Variants in SLC4A4 observed in about 807,000 individuals in gnomAD.
The protein encoded by SLC4A4 is electrogenic sodium bicarbonate cotransporter 1.
SLC4A4 carries 27 observed loss-of-function variants against 111.5 expected under a neutral mutation model. The observed-to-expected ratio is 0.24, with a 90% CI of 0.18 to 0.33. The LOEUF (loss-of-function observed/expected upper bound fraction) is 0.33. Ranked by LOEUF, SLC4A4 falls within the 10% of genes least tolerant of loss-of-function variation. The pLI, the probability that SLC4A4 is intolerant of heterozygous loss-of-function variation, is 1.00. For missense variants in SLC4A4, 909 were observed against 1,315.5 expected, an observed-to-expected ratio of 0.69 and a Z score of 4.78; for synonymous variants, 443 against 463.4, an observed-to-expected ratio of 0.96 and a Z score of 0.57.
chr4:71,561,170 T>C (rs1449412531), intron 23 of SLC4A4, among the ~76,000 whole-genome samples: 1 of 151,826 alleles, frequency 6.6e-6, no homozygotes, highest in East Asian at 1.9e-4. Flanking sequence ...TGTTAGTTTC[T>C]ACTTAGTACT....
At chr4:71,452,352 T>A (rs779664245) in intron 11 of SLC4A4, among the ~76,000 whole-genome samples, 9 of 152,108 alleles carry the variant, frequency 5.9e-5, no homozygotes, top group Admixed American at 1.3e-4. Flanking sequence ...CAGACATGAG[T>A]TCTGGGCTTT....
intron 1 of SLC4A4, among the ~76,000 whole-genome samples, chr4:71,225,442 C>T (rs991993951): frequency 6.6e-6 from 1 of 152,056 alleles, no homozygotes; most frequent in Admixed American, 6.5e-5. Context: ...TCAGTTCTTT[C>T]CCTGTTACTG....
At chr4:71,281,637 G>T (rs374708519) in intron 3 of SLC4A4, among the ~76,000 whole-genome samples, 2 of 152,326 alleles carry the variant, frequency 1.3e-5, no homozygotes, top group African/African-American at 4.8e-5. Context: ...GATATGAGAA[G>T]TGATAATTGA....
intron 8 of SLC4A4, among the ~76,000 whole-genome samples, chr4:71,447,032 G>A (rs1725300413): frequency 6.6e-6 from 1 of 152,196 alleles, no homozygotes; most frequent in Non-Finnish European, 1.5e-5. Flanking sequence ...ATGACAAGAG[G>A]ACACCCACAA....
At chr4:71,369,938 C>T (rs1048666800) in intron 6 of SLC4A4, among the ~76,000 whole-genome samples, 1 of 152,138 alleles carries the variant, frequency 6.6e-6, no homozygotes, top group African/African-American at 2.4e-5. Context: ...CATACACACA[C>T]ACACGATTGT....
At chr4:71,338,287 G>A (rs373786277) in intron 3 of SLC4A4, among the ~76,000 whole-genome samples, 1 of 152,024 alleles carries the variant, frequency 6.6e-6, no homozygotes, top group African/African-American at 2.4e-5. Flanking sequence ...TTTTCAGATG[G>A]TAGGGATTTT....
intron 2 of SLC4A4, among the ~76,000 whole-genome samples, chr4:71,241,513 G>A (rs1015878736): frequency 6.6e-6 from 1 of 152,030 alleles, no homozygotes; most frequent in Non-Finnish European, 1.5e-5. Flanking sequence ...AAAAAAACTG[G>A]GGCCTGGTAG....
chr4:71,127,734 T>C (rs1425059724), intron 2 of SLC4A4, among the ~76,000 whole-genome samples: 1 of 152,232 alleles, frequency 6.6e-6, no homozygotes. Flanking sequence ...ATGTACACAA[T>C]ATATGTACCT....
chr4:71,277,280 T>G (rs1723137115), intron 3 of SLC4A4, among the ~76,000 whole-genome samples: 1 of 152,196 alleles, frequency 6.6e-6, no homozygotes, highest in Non-Finnish European at 1.5e-5. Flanking sequence ...GTGATCTGAT[T>G]TCTCTCTACT....
In SLC4A4 at chr4:71,255,331, A is replaced by C; in HGVS notation, c.185A>C (p.Glu62Ala). 1 of 1,613,620 alleles carries C rather than the reference A, an allele frequency of 6.2e-7. No individual in the cohort carries two copies. The highest frequency in any genetic ancestry group is 8.5e-7 in the Non-Finnish European group (1 of 1,179,634). ...AAGAAGGAAAAGGAGAGAATCTCTG[A>C]GAACTACTCTGACAAATCAGATATT... ...KEKKEKERISENYSDKSDIEN... is the reference protein window; with the variant it reads ...KEKKEKERISANYSDKSDIEN... The change falls in exon 3 of 26, where the codon GAG becomes GCG. Residue 62 changes from glutamate (E) to alanine (A), a missense_variant. By Grantham distance (107) the Glu-to-Ala change is moderately radical. Coordinates refer to ENST00000264485, the MANE Select transcript of SLC4A4 (RefSeq NM_001098484.3).
At chr4:71,146,395 G>T (rs1459878564) in intron 2 of SLC4A4, among the ~76,000 whole-genome samples, 2 of 152,112 alleles carry the variant, frequency 1.3e-5, no homozygotes, top group Non-Finnish European at 2.9e-5. Context: ...GAATAGGTGT[G>T]GTGTGGTGCT....
At chr4:71,248,111 G>A (rs1163990471) in intron 2 of SLC4A4, among the ~76,000 whole-genome samples, 1 of 152,086 alleles carries the variant, frequency 6.6e-6, no homozygotes, top group African/African-American at 2.4e-5. Context: ...GCCGATTAAG[G>A]GACAAGTTAA....
intron 16 of SLC4A4, among the ~76,000 whole-genome samples, chr4:71,523,732 A>C (rs1266007946): frequency 6.6e-6 from 1 of 152,138 alleles, no homozygotes; most frequent in Non-Finnish European, 1.5e-5. Context: ...CATATGACTG[A>C]TTAATTATTA....
intron 6 of SLC4A4, among the ~76,000 whole-genome samples, chr4:71,363,761 G>A (rs908670030): frequency 2.2e-4 from 33 of 152,144 alleles, no homozygotes; most frequent in Admixed American, 1.1e-3. Context: ...CTCATTTTCC[G>A]TTCATTTTCA....
At chr4:71,420,823 C>A (rs2085284828) in intron 7 of SLC4A4, among the ~76,000 whole-genome samples, 1 of 148,168 alleles carries the variant, frequency 6.7e-6, no homozygotes, top group African/African-American at 2.5e-5. Flanking sequence ...CCTAAAAGAG[C>A]TCCTGAAGGA....
At chr4:71,101,182 G>A (rs560324844) in intron 2 of SLC4A4, among the ~76,000 whole-genome samples, 71 of 152,028 alleles carry the variant, frequency 4.7e-4, no homozygotes, top group Non-Finnish European at 9.9e-4. Context: ...TGGCTTGAAC[G>A]CAAGAAGTGG....
intron 1 of SLC4A4, among the ~76,000 whole-genome samples, chr4:71,088,191 G>C (rs1233781352): frequency 2.6e-5 from 4 of 151,060 alleles, no homozygotes; most frequent in Non-Finnish European, 5.9e-5. Context: ...ATCTTTGATG[G>C]CTTAAAGTCT....
chr4:71,551,924 G>T, intron 20 of SLC4A4, among the ~76,000 whole-genome samples: 1 of 151,976 alleles, frequency 6.6e-6, no homozygotes, highest in South Asian at 2.1e-4. Context: ...TCTGAATATA[G>T]TTGTTACTGC....
chr4:71,119,408 GT>G (rs1743356175), intron 2 of SLC4A4, among the ~76,000 whole-genome samples: 1 of 151,882 alleles, frequency 6.6e-6, no homozygotes, highest in Non-Finnish European at 1.5e-5. Context: ...TAGTGTTGGG[GT>G]TTTTCTCTGT....
Sources: gnomAD v4.1 joint callset for allele counts (sites outside exome capture counted in the v4.1 genomes callset) on GRCh38, gnomAD v4.1.1 for gene constraint, MANE v1.5 for transcripts, NCBI Gene and HGNC (gene_info 2026-07-23, HGNC 2026-07-21) for gene names.